Variants in FAM193A observed in about 807,000 individuals in gnomAD.
FAM193A encodes the protein family with sequence similarity 193 member A, also known as protein FAM193A.
FAM193A carries 22 observed loss-of-function variants against 126.5 expected under a neutral mutation model. The ratio of observed to expected loss-of-function variants is 0.17; its 90% CI spans 0.12 to 0.25. FAM193A has a LOEUF of 0.25. FAM193A is among the 10% of genes least tolerant of loss of function. The pLI is 1.00. For missense variants in FAM193A, 1,675 were observed against 1,672.8 expected (o/e 1.00, Z -0.02); for synonymous variants, 761 against 646.8 (o/e 1.18, Z -2.68).
intron 7 of FAM193A, among the ~76,000 whole-genome samples, chr4:2,655,563 G>C (rs145430597): frequency 2.0e-4 from 30 of 152,164 alleles, no homozygotes; most frequent in African/African-American, 6.0e-4. Context: ...CTGCAGCCTC[G>C]AACTCCTGGG....
At chr4:2,697,854 C>T (rs1410876644) in intron 18 of FAM193A, among the ~76,000 whole-genome samples, 1 of 152,140 alleles carries the variant, frequency 6.6e-6, no homozygotes, top group Non-Finnish European at 1.5e-5. Flanking sequence ...CATCGGGGTA[C>T]CCACGATGGT....
chr4:2,691,983 G>C (rs1274596249), intron 15 of FAM193A, among the ~76,000 whole-genome samples: 1 of 152,108 alleles, frequency 6.6e-6, no homozygotes, highest in African/African-American at 2.4e-5. Context: ...CAAGTATGCA[G>C]CATTCATGGA....
At chr4:2,588,496 G>A (rs1005823265) in intron 1 of FAM193A, among the ~76,000 whole-genome samples, 2 of 152,254 alleles carry the variant, frequency 1.3e-5, no homozygotes, top group African/African-American at 2.4e-5. Context: ...ATGCCTCCCT[G>A]CTGCCAGGGG....
At chr4:2,696,702 A>C in intron 18 of FAM193A, 109 bp downstream of exon 18, 1 of 756,752 alleles carries the variant, frequency 1.3e-6, no homozygotes. Flanking sequence ...CGGGGCTCTG[A>C]CGTGTGTTCA....
chr4:2,544,549 A>G (rs1231589522), intron 1 of FAM193A, among the ~76,000 whole-genome samples: 1 of 151,948 alleles, frequency 6.6e-6, no homozygotes, highest in Non-Finnish European at 1.5e-5. Flanking sequence ...TAAAAATACA[A>G]AAAAATTAGC....
At chr4:2,633,644 C>T (rs1318465168) in intron 5 of FAM193A, among the ~76,000 whole-genome samples, 2 of 151,850 alleles carry the variant, frequency 1.3e-5, no homozygotes, top group Non-Finnish European at 2.9e-5. Flanking sequence ...ATAATCCCAG[C>T]ACTTTGGGAG....
intron 7 of FAM193A, chr4:2,654,912 T>G: frequency 2.1e-6 from 1 of 467,786 alleles, no homozygotes; most frequent in South Asian, 4.6e-5. Flanking sequence ...TGACCAGTCA[T>G]CTCGCCAGAT....
chr4:2,726,712 C>T (rs1220628858), intron 20 of FAM193A, among the ~76,000 whole-genome samples: 2 of 142,504 alleles, frequency 1.4e-5, no homozygotes, highest in Admixed American at 7.6e-5. Flanking sequence ...GGGTGGATCA[C>T]TTGAGGGTCA....
At chr4:2,689,060 T>C (rs2109255808) in intron 13 of FAM193A, among the ~76,000 whole-genome samples, 1 of 152,378 alleles carries the variant, frequency 6.6e-6, no homozygotes, top group Non-Finnish European at 1.5e-5. Flanking sequence ...ATTAGATTTG[T>C]GCTGTACCTT....
At chr4:2,605,343 C>T (rs1741472446) in intron 2 of FAM193A, among the ~76,000 whole-genome samples, 1 of 152,322 alleles carries the variant, frequency 6.6e-6, no homozygotes. Flanking sequence ...CATCTACCCA[C>T]AAATACTGTA....
At chr4:2,628,605 C>T (rs891261469) in intron 4 of FAM193A, among the ~76,000 whole-genome samples, 3 of 152,092 alleles carry the variant, frequency 2.0e-5, no homozygotes, top group African/African-American at 7.2e-5. Context: ...CCACTGCACA[C>T]CAGCCTGGGC....
chr4:2,542,812 G>A (rs896493776), intron 1 of FAM193A, among the ~76,000 whole-genome samples: 8 of 152,258 alleles, frequency 5.3e-5, no homozygotes, highest in African/African-American at 1.9e-4. Flanking sequence ...TGATTTTCAG[G>A]AGTGGTCACA....
At chr4:2,544,713 A>G (rs1737443540) in intron 1 of FAM193A, among the ~76,000 whole-genome samples, 1 of 151,970 alleles carries the variant, frequency 6.6e-6, no homozygotes. Context: ...CTGAAAGAAA[A>G]AAAGAATTAG....
At chr4:2,627,044 C>A (rs1187164494) in intron 4 of FAM193A, among the ~76,000 whole-genome samples, 1 of 152,004 alleles carries the variant, frequency 6.6e-6, no homozygotes, top group African/African-American at 2.4e-5. Flanking sequence ...CGTGCCTGGC[C>A]GTGTGGCTGT....
At chr4:2,591,026 CAAAAA>C (rs113076132) in intron 1 of FAM193A, among the ~76,000 whole-genome samples, 1 of 131,668 alleles carries the variant, frequency 7.6e-6, no homozygotes, top group Non-Finnish European at 1.6e-5. Context: ...GACTCCCTCT[CAAAAA>C]AAAAAAAAGA....
At position 2,706,815 on chromosome 4, in the gene FAM193A, G is replaced by A. The variant is rs944242410; in HGVS notation, c.4372+6271G>A. Among the ~76,000 whole-genome samples, 22 of 151,418 alleles carry A rather than the reference G, an allele frequency of 1.5e-4. No homozygotes were observed. In the Admixed American group the frequency reaches 1.5e-3, roughly 10 times the overall value. ...GTTCTATATGAACTTTAGCATCAAT[G>A]TGCCTGGCTCCATTTAAAAAAAGCT... On this transcript the variant is annotated intron_variant, in intron 19 of 20. Transcript: ENST00000637812.
chr4:2,623,837 C>T (rs1325684631), intron 2 of FAM193A, among the ~76,000 whole-genome samples: 3 of 152,150 alleles, frequency 2.0e-5, no homozygotes, highest in African/African-American at 7.2e-5. Context: ...AGGTGAATTC[C>T]TTTCTGGAAG....
At chr4:2,626,389 C>G (rs181956530) in intron 3 of FAM193A, 21 bp from the exon 4 acceptor site, 47 of 693,534 alleles carry the variant, frequency 6.8e-5, no homozygotes, top group Non-Finnish European at 1.0e-4. Flanking sequence ...GACTTTCTAA[C>G]CTTCCTGTGT....
chr4:2,694,937 GT>G lies in FAM193A; in HGVS notation c.3093-5del. 1.3e-6 allele frequency: 2 copies of G among 1,585,216 alleles called. No individual in the cohort carries two copies. Among genetic ancestry groups the G allele is most frequent in the Non-Finnish European group, 8.6e-7 (1 of 1,168,294 alleles). Reference sequence around the variant, plus strand: ...CCACTTGCTGATGAGCTTGTATGCGGTTTTGCAGTGACCCTGACTGCGAAGG... The same window carrying G: ...CCACTTGCTGATGAGCTTGTATGCGGTTTGCAGTGACCCTGACTGCGAAGG... On this transcript the variant is annotated splice_polypyrimidine_tract_variant and splice_region_variant and intron_variant, in intron 16 of 20. Transcript: ENST00000637812.
Sources: allele counts gnomAD v4.1 joint callset (sites outside exome capture counted in the v4.1 genomes callset), GRCh38; gene constraint gnomAD v4.1.1; transcripts MANE v1.5; gene names NCBI Gene and HGNC (gene_info 2026-07-23, HGNC 2026-07-21).